POU6F2: variants seen among roughly 807,000 people sequenced by gnomAD.
POU6F2 encodes the protein POU class 6 homeobox 2.
Under a neutral mutation model 71.3 loss-of-function variants are expected in POU6F2, and 31 were observed. The observed-to-expected ratio is 0.43, with a 90% confidence interval of 0.33 to 0.59. The LOEUF (loss-of-function observed/expected upper bound fraction) is 0.59. Among genes scored for constraint, POU6F2 ranks in the 20% least tolerant of loss-of-function variants. The pLI is 0.04. For synonymous variants in POU6F2, 347 were observed against 355.7 expected (o/e 0.98, Z 0.27); for missense variants, 783 against 856.8 (o/e 0.91, Z 1.07).
intron 1 of POU6F2, among the ~76,000 whole-genome samples, chr7:39,047,144 T>C (rs1459273028): frequency 6.6e-6 from 1 of 151,974 alleles, no homozygotes; most frequent in African/African-American, 2.4e-5. Flanking sequence ...GTGCAAGTCT[T>C]CCAACTTTGT....
intron 2 of POU6F2, among the ~76,000 whole-genome samples, chr7:39,161,864 A>C (rs1793005712): frequency 6.6e-6 from 1 of 152,160 alleles, no homozygotes; most frequent in African/African-American, 2.4e-5. Flanking sequence ...AGGGACCAAG[A>C]ATTGGGTGTC....
chr7:39,279,792 G>T (rs1784527116), intron 4 of POU6F2, among the ~76,000 whole-genome samples: 1 of 151,992 alleles, frequency 6.6e-6, no homozygotes, highest in Non-Finnish European at 1.5e-5. Flanking sequence ...TGTTGCCTGG[G>T]CTGGAATACA....
intron 2 of POU6F2, among the ~76,000 whole-genome samples, chr7:39,182,237 T>C (rs1793448635): frequency 6.6e-6 from 1 of 152,238 alleles, no homozygotes; most frequent in Non-Finnish European, 1.5e-5. Context: ...TTTATTCCAC[T>C]TCATTCTATT....
chr7:39,067,341 G>T (rs1404535210), intron 1 of POU6F2, among the ~76,000 whole-genome samples: 2 of 151,554 alleles, frequency 1.3e-5, no homozygotes, highest in Admixed American at 6.6e-5. Flanking sequence ...TTTAAAAATG[G>T]GTGTATATGC....
intron 4 of POU6F2, among the ~76,000 whole-genome samples, chr7:39,263,368 T>C (rs1784175393): frequency 6.6e-6 from 1 of 152,230 alleles, no homozygotes; most frequent in Non-Finnish European, 1.5e-5. Context: ...TTTAAAAGTT[T>C]AAATCACACC....
At chr7:38,979,394 A>G (rs556282615) in intron 1 of POU6F2, among the ~76,000 whole-genome samples, 11 of 152,296 alleles carry the variant, frequency 7.2e-5, no homozygotes, top group African/African-American at 2.6e-4. Flanking sequence ...TTCATAATGT[A>G]TTTTTAGATG....
intron 4 of POU6F2, among the ~76,000 whole-genome samples, chr7:39,285,803 C>T (rs1044466476): frequency 3.3e-5 from 5 of 152,134 alleles, no homozygotes; most frequent in African/African-American, 1.2e-4. Flanking sequence ...ACTCCATGTT[C>T]CCCCATCTGT....
At chr7:39,212,617 A>C (rs1188929259) in intron 4 of POU6F2, among the ~76,000 whole-genome samples, 1 of 152,078 alleles carries the variant, frequency 6.6e-6, no homozygotes, top group Admixed American at 6.5e-5. Context: ...TCCCATGTTT[A>C]TTGGGCTTTG....
intron 4 of POU6F2, among the ~76,000 whole-genome samples, chr7:39,322,817 C>G (rs1310762180): frequency 6.6e-6 from 1 of 152,190 alleles, no homozygotes; most frequent in Non-Finnish European, 1.5e-5. Flanking sequence ...AAAAATAAAT[C>G]TATACCATTC....
At chr7:39,172,199 T>C (rs1281281801) in intron 2 of POU6F2, among the ~76,000 whole-genome samples, 1 of 152,206 alleles carries the variant, frequency 6.6e-6, no homozygotes, top group Non-Finnish European at 1.5e-5. Context: ...AAGATAATAT[T>C]ATATATTTAA....
intron 4 of POU6F2, among the ~76,000 whole-genome samples, chr7:39,224,550 A>C (rs184083874): frequency 1.1e-4 from 17 of 152,310 alleles, no homozygotes; most frequent in Non-Finnish European, 5.9e-5. Context: ...GTCCACGTTC[A>C]GGGGTTCCAC....
At position 39,399,871 on chromosome 7, in the gene POU6F2, AGAAAG is replaced by A. The variant is rs777207869; in HGVS notation, c.973-6728_973-6724del. ...TCTCAAGAATGTAACAAAAAAAAAAAGAAAGAAAGAAAGAAAAAGAAAAGAAAGGT... is the reference window on the plus strand; with the variant it reads ...TCTCAAGAATGTAACAAAAAAAAAAAAAAGAAAGAAAAAGAAAAGAAAGGT... On this transcript the variant is annotated intron_variant, in intron 5 of 9. Transcript: ENST00000518318. Among the ~76,000 whole-genome samples, 440 of 148,284 alleles carry A rather than the reference AGAAAG, an allele frequency of 3.0e-3. 6 individuals are homozygous for A. Among genetic ancestry groups the A allele is most frequent in the Non-Finnish European group, 4.6e-3 (308 of 67,052 alleles).
chr7:39,451,774 G>A, intron 8 of POU6F2, 73 bp downstream of exon 8: 1 of 1,456,656 alleles, frequency 6.9e-7, no homozygotes, highest in Non-Finnish European at 9.4e-7. Context: ...CTTCCTTCTT[G>A]TCTCTCTCTC....
At chr7:39,052,507 C>T (rs910461214) in intron 1 of POU6F2, among the ~76,000 whole-genome samples, 3 of 152,054 alleles carry the variant, frequency 2.0e-5, no homozygotes, top group Non-Finnish European at 4.4e-5. Flanking sequence ...ATAAAACCAT[C>T]GGATCTCATG....
intron 2 of POU6F2, among the ~76,000 whole-genome samples, chr7:39,114,606 G>A (rs1484931268): frequency 6.6e-6 from 1 of 151,990 alleles, no homozygotes; most frequent in Admixed American, 6.6e-5. Flanking sequence ...AAAAAGAGAT[G>A]AAACTGATTT....
chr7:38,996,048 T>C (rs1044751110), intron 1 of POU6F2, among the ~76,000 whole-genome samples: 2 of 149,046 alleles, frequency 1.3e-5, no homozygotes, highest in Non-Finnish European at 1.5e-5. Context: ...TTTTTTTTTT[T>C]TTTTTTTTTA....
chr7:39,051,986 A>T (rs949350595), intron 1 of POU6F2, among the ~76,000 whole-genome samples: 1 of 152,126 alleles, frequency 6.6e-6, no homozygotes, highest in African/African-American at 2.4e-5. Flanking sequence ...ACTCATGAAC[A>T]CTGAACTGGC....
At chr7:39,189,403 G>A (rs564148650) in intron 2 of POU6F2, among the ~76,000 whole-genome samples, 22 of 131,636 alleles carry the variant, frequency 1.7e-4, no homozygotes, top group African/African-American at 5.5e-4. Flanking sequence ...TGTTTGAGAC[G>A]GAGTCTCGCT....
intron 1 of POU6F2, among the ~76,000 whole-genome samples, chr7:39,062,282 T>G: frequency 1.3e-5 from 2 of 152,156 alleles, no homozygotes; most frequent in South Asian, 4.1e-4. Flanking sequence ...ATGAAAATAA[T>G]TTTTATCCTG....
Sources: gnomAD v4.1 joint callset for allele counts (sites outside exome capture counted in the v4.1 genomes callset) on GRCh38, gnomAD v4.1.1 for gene constraint, MANE v1.5 for transcripts, NCBI Gene and HGNC (gene_info 2026-07-23, HGNC 2026-07-21) for gene names.